The following LRRC28 variants were observed in gnomAD, a reference collection of about 807,000 sequenced individuals.
LRRC28 encodes the protein leucine-rich repeat-containing protein 28.
In LRRC28, 39 loss-of-function variants were observed where a neutral mutation model predicts 45.7. The observed-to-expected ratio is 0.85, with a 90% CI of 0.66 to 1.12. LRRC28 has a LOEUF of 1.12. LRRC28 is among the 50% of genes most tolerant of loss of function. The pLI, the probability that LRRC28 is intolerant of heterozygous loss-of-function variation, is 0.00. For missense variants in LRRC28, 435 were observed against 438.5 expected, an observed-to-expected ratio of 0.99 and a Z score of 0.07; for synonymous variants, 206 against 178.8, an observed-to-expected ratio of 1.15 and a Z score of -1.22.
chr15:99,347,703 A>G (rs1190838184), intron 6 of LRRC28, among the ~76,000 whole-genome samples: 2 of 152,142 alleles, frequency 1.3e-5, no homozygotes, highest in Non-Finnish European at 1.5e-5. Flanking sequence ...TTGTTTCCAT[A>G]TCTTGGATGT....
chr15:99,353,682 A>G (rs1159008006), intron 7 of LRRC28: 4 of 152,210 alleles, frequency 2.6e-5, no homozygotes, highest in African/African-American at 7.2e-5. Flanking sequence ...AGTGCCTGCA[A>G]TCACCATGGT....
At position 99,387,318 on chromosome 15, in the gene LRRC28, C is replaced by T. The variant is rs553437806; in HGVS notation, c.*1216C>T. On this transcript the variant is annotated 3_prime_UTR_variant, in exon 10 of 10. Coordinates refer to ENST00000301981, the MANE Select transcript of LRRC28 (RefSeq NM_144598.5). ...CTCGTGATCCGCACGCCTCGGCCTCCCAAAGTGCTGGGATTACAGGCGTGA... is the reference window on the plus strand; with the variant it reads ...CTCGTGATCCGCACGCCTCGGCCTCTCAAAGTGCTGGGATTACAGGCGTGA... 6.6e-6 allele frequency: 1 copy of T among 152,110 alleles called. No homozygotes were observed. Among genetic ancestry groups the T allele is most frequent in the African/African-American group, 2.4e-5 (1 of 41,404 alleles). 9.4% of individuals were successfully genotyped at this position (152,110 alleles called of 1,614,324 possible). A position where few individuals can be genotyped will look rare whatever the true frequency, so the allele number is the denominator to read the frequency against.
rs1279112842 is a variant in LRRC28, at chr15:99,388,793, CT to C, written c.*2692del. Reference sequence around the variant, plus strand: ...GTGAGCTACTTGGAAAGTATCATCTCTGTTCAGGTAAGTTTACTTCAGTGAA... The same window carrying C: ...GTGAGCTACTTGGAAAGTATCATCTCGTTCAGGTAAGTTTACTTCAGTGAA... On this transcript the variant is annotated 3_prime_UTR_variant, in exon 10 of 10. Coordinates refer to ENST00000301981, the MANE Select transcript of LRRC28 (RefSeq NM_144598.5). 6.6e-5 allele frequency: 10 copies of C among 152,238 alleles called. No homozygotes were observed. Among genetic ancestry groups the C allele is most frequent in the Admixed American group, 4.6e-4 (7 of 15,286 alleles). 9.4% of individuals were successfully genotyped at this position (152,238 alleles called of 1,614,324 possible).
At chr15:99,286,535 T>C (rs764562005) in intron 3 of LRRC28, among the ~76,000 whole-genome samples, 1 of 152,240 alleles carries the variant, frequency 6.6e-6, no homozygotes. Context: ...TCTTAAATTA[T>C]TGTTGTGTGA....
chr15:99,361,466 T>C lies in LRRC28; in HGVS notation c.826T>C (p.Leu276=), dbSNP rs771273237. ...TGATCACGTCCTCCCTCTGCAGGAA[T>C]TGGCTATGAGAGGGCTGTATCATAC... ...EHDHVLPLQE[L]AMRGLYHTYH... Residue 276 remains leucine (L), a synonymous_variant, in exon 8 of 10, where the codon TTG becomes CTG. Coordinates refer to ENST00000301981, the MANE Select transcript of LRRC28 (RefSeq NM_144598.5). 9 of 1,613,664 alleles carry C rather than the reference T, an allele frequency of 5.6e-6. No homozygotes were observed. In the African/African-American group the frequency reaches 1.1e-4, roughly 19 times the overall value.
intron 5 of LRRC28, among the ~76,000 whole-genome samples, chr15:99,314,806 A>T (rs1367809247): frequency 6.6e-6 from 1 of 152,162 alleles, no homozygotes; most frequent in African/African-American, 2.4e-5. Flanking sequence ...ATTTTAGCGA[A>T]TTATTCTTAG....
intron 6 of LRRC28, among the ~76,000 whole-genome samples, chr15:99,339,598 G>T (rs1246270809): frequency 2.0e-5 from 3 of 152,014 alleles, no homozygotes; most frequent in Non-Finnish European, 4.4e-5. Context: ...GGGTGTGGTG[G>T]CAGACACTTG....
intron 5 of LRRC28, among the ~76,000 whole-genome samples, chr15:99,304,753 A>G (rs1352069415): frequency 5.3e-5 from 8 of 151,912 alleles, no homozygotes; most frequent in South Asian, 2.1e-4. Context: ...AGCCTTATAT[A>G]TATTTCTTTA....
intron 1 of LRRC28, among the ~76,000 whole-genome samples, chr15:99,254,951 C>G (rs894472534): frequency 6.6e-6 from 1 of 152,166 alleles, no homozygotes. Flanking sequence ...TAGAATAATA[C>G]AGGATTCTTG....
intron 2 of LRRC28, chr15:99,258,551 A>G (rs1200578507): frequency 2.4e-5 from 18 of 737,204 alleles, no homozygotes; most frequent in Non-Finnish European, 4.0e-5. Flanking sequence ...ATGAAGCTGC[A>G]GTAGAGGAAG....
intron 6 of LRRC28, among the ~76,000 whole-genome samples, chr15:99,346,227 C>T (rs1206911851): frequency 2.6e-5 from 4 of 151,770 alleles, no homozygotes; most frequent in Admixed American, 1.3e-4. Context: ...CCCAGGCTAG[C>T]GTGCAGTGGT....
intron 5 of LRRC28, among the ~76,000 whole-genome samples, chr15:99,324,799 T>C (rs1443234047): frequency 3.3e-5 from 5 of 152,194 alleles, no homozygotes; most frequent in South Asian, 2.1e-4. Flanking sequence ...TACAGACTTA[T>C]GTTTGCTCCC....
chr15:99,318,275 A>G (rs1027995805), intron 5 of LRRC28, among the ~76,000 whole-genome samples: 5 of 149,566 alleles, frequency 3.3e-5, no homozygotes, highest in Admixed American at 6.6e-5. Flanking sequence ...AGGAAACTCA[A>G]ATTTTTAGAA....
rs1362811154 is a variant in LRRC28, at chr15:99,390,586, G to T, written c.*4484G>T. ...TTATGGCAACATTCATTTGGAGTGT[G>T]GCTAAAAACTCATACTTTATCCAAT... On this transcript the variant is annotated 3_prime_UTR_variant, in exon 10 of 10. Transcript: ENST00000301981. 1 of 152,152 alleles carries T rather than the reference G, an allele frequency of 6.6e-6. No homozygotes were observed. The highest frequency in any genetic ancestry group is 1.5e-5 in the Non-Finnish European group (1 of 68,026). 9.4% of individuals were successfully genotyped at this position (152,152 alleles called of 1,614,324 possible). A position where few individuals can be genotyped will look rare whatever the true frequency, so the allele number is the denominator to read the frequency against.
At chr15:99,258,447 C>T in intron 2 of LRRC28, 1 of 864,274 alleles carries the variant, frequency 1.2e-6, no homozygotes, top group Non-Finnish European at 2.0e-6. Flanking sequence ...AGTTCATAAA[C>T]TTTCCTATTT....
chr15:99,289,335 G>C (rs1028991213), intron 5 of LRRC28, among the ~76,000 whole-genome samples: 1 of 152,160 alleles, frequency 6.6e-6, no homozygotes, highest in African/African-American at 2.4e-5. Flanking sequence ...GAAAGATACA[G>C]ATGTTAATTT....
rs1295329851 is a variant in LRRC28 at position 99,386,910 on chromosome 15, A to G, written c.*808A>G. 1.3e-5 allele frequency: 2 copies of G among 152,204 alleles called. No individual in the cohort carries two copies. Among genetic ancestry groups the G allele is most frequent in the African/African-American group, 2.4e-5 (1 of 41,440 alleles). 9.4% of individuals were successfully genotyped at this position (152,204 alleles called of 1,614,324 possible). The stretch of plus-strand genomic sequence containing the variant: ...CAAGATCTGATTTTTTTCTTTCTCA[A>G]TATAAAGTTTCCATACAATGAGAAA... On this transcript the variant is annotated 3_prime_UTR_variant, in exon 10 of 10. Coordinates refer to ENST00000301981, the MANE Select transcript of LRRC28 (RefSeq NM_144598.5).
intron 6 of LRRC28, among the ~76,000 whole-genome samples, chr15:99,340,364 T>C (rs186701560): frequency 7.5e-4 from 114 of 152,390 alleles, no homozygotes; most frequent in African/African-American, 2.6e-3. Flanking sequence ...TTAACTGTAC[T>C]TGTTTTTTCT....
intron 5 of LRRC28, among the ~76,000 whole-genome samples, chr15:99,306,952 A>G (rs1477706483): frequency 6.6e-6 from 1 of 152,106 alleles, no homozygotes; most frequent in East Asian, 1.9e-4. Context: ...GAGTTTGGAG[A>G]AGAGCCTTCA....
Sources: gnomAD v4.1 joint callset for allele counts (sites outside exome capture counted in the v4.1 genomes callset) on GRCh38, gnomAD v4.1.1 for gene constraint, MANE v1.5 for transcripts, NCBI Gene and HGNC (gene_info 2026-07-23, HGNC 2026-07-21) for gene names.